The following RC3H2 variants were observed in gnomAD, a reference collection of about 807,000 sequenced individuals.
RC3H2 encodes the protein roquin-2.
A neutral mutation model predicts 133.3 loss-of-function variants in RC3H2; 31 were observed. The observed-to-expected ratio is 0.23, with a 90% CI of 0.17 to 0.31. The LOEUF (loss-of-function observed/expected upper bound fraction) is 0.31. RC3H2 is among the 10% of genes least tolerant of loss of function. RC3H2 has a pLI of 1.00. For missense variants in RC3H2, 1,175 were observed against 1,437.2 expected (o/e 0.82, Z 2.95); for synonymous variants, 517 against 502.2 (o/e 1.03, Z -0.40).
chr9:122,862,641 T>C (rs912441540), intron 10 of RC3H2, among the ~76,000 whole-genome samples: 1 of 152,196 alleles, frequency 6.6e-6, no homozygotes, highest in Non-Finnish European at 1.5e-5. Context: ...ACACCTGTAA[T>C]CCCAGCCTTT....
At chr9:122,878,867 G>A (rs1343884563) in intron 8 of RC3H2, among the ~76,000 whole-genome samples, 1 of 151,122 alleles carries the variant, frequency 6.6e-6, no homozygotes, top group Non-Finnish European at 1.5e-5. Flanking sequence ...TCCTGACTCA[G>A]CCGTCTCAGT....
In RC3H2 at chr9:122,854,949, T is replaced by C. The variant is rs112002260; in HGVS notation, c.2815+235A>G. Among the ~76,000 whole-genome samples the C allele has an allele frequency of 7.6e-3, 1,162 of 152,032 alleles. 14 individuals are homozygous for C. The highest frequency in any genetic ancestry group is 0.026 in the African/African-American group (1,097 of 41,448). On this transcript the variant is annotated intron_variant, in intron 15 of 20. Coordinates refer to ENST00000357244, the MANE Select transcript of RC3H2 (RefSeq NM_001100588.3). ...CGAAACTAAAATACAAAATACTCTC[T>C]ACTAAAAATACAAAAATTAGCCAGG...
chr9:122,854,720 T>C, intron 15 of RC3H2, 105 bp from the exon 16 acceptor site: 1 of 758,048 alleles, frequency 1.3e-6, no homozygotes. Flanking sequence ...CCACTAGCCA[T>C]ATGATGCTGG....
intron 18 of RC3H2, among the ~76,000 whole-genome samples, chr9:122,851,799 C>T (rs1391678851): frequency 6.6e-6 from 1 of 152,250 alleles, no homozygotes; most frequent in Non-Finnish European, 1.5e-5. Flanking sequence ...TCACTCAGTG[C>T]TCAATGGCGC....
chr9:122,849,855 T>A, intron 20 of RC3H2, 33 bp from the exon 21 acceptor site: 1 of 1,447,988 alleles, frequency 6.9e-7, no homozygotes, highest in Non-Finnish European at 9.3e-7. Context: ...AAAAACAAAT[T>A]AGCTTTAAGT....
At position 122,883,216 on chromosome 9, in the gene RC3H2, A is replaced by G. The variant is rs1831729488; in HGVS notation, c.747T>C (p.Ala249=). Reference sequence around the variant, plus strand: ...ACTTACTGCTTACCTTAAAACAAGAAGCTCGATACAGTAGTTGCACAACAT... The same window carrying G: ...ACTTACTGCTTACCTTAAAACAAGAGGCTCGATACAGTAGTTGCACAACAT... ...IGHVVQLLYR[A]SCFKVTKRDE... The change falls in exon 5 of 21, where the codon GCT becomes GCC. Residue 249 remains alanine, a synonymous_variant. Transcript: ENST00000357244. 1.2e-6 allele frequency: 2 copies of G among 1,611,648 alleles called. No individual in the cohort carries two copies. Among genetic ancestry groups the G allele is most frequent in the Middle Eastern group, 3.3e-4 (2 of 6,054 alleles).
chr9:122,862,204 A>G (rs1355333271), intron 10 of RC3H2, among the ~76,000 whole-genome samples: 1 of 152,200 alleles, frequency 6.6e-6, no homozygotes, highest in Non-Finnish European at 1.5e-5. Context: ...GAACTTATAG[A>G]AAAAGCTAAT....
chr9:122,897,402 A>G lies in RC3H2; in HGVS notation c.108T>C (p.Thr36=), dbSNP rs767998842. 2 of 1,614,260 alleles carry G rather than the reference A, an allele frequency of 1.2e-6. No individual in the cohort carries two copies. The highest frequency in any genetic ancestry group is 2.2e-5 in the East Asian group (1 of 44,890). The part of the protein sequence containing the change: ...HKPISLGCSH[T]VCKTCLNKLH... ...GTTTATTCAAGCAGGTCTTGCAAACAGTGTGTGAACAACCTAAACTGATGG... is the reference window on the plus strand; with the variant it reads ...GTTTATTCAAGCAGGTCTTGCAAACGGTGTGTGAACAACCTAAACTGATGG... Residue 36 remains threonine, a synonymous_variant, in exon 2 of 21, where the codon ACT becomes ACC. Transcript: ENST00000357244.
Position 122,849,616 on chromosome 9 carries a change from T to C in RC3H2, c.*11A>G, listed in dbSNP as rs772007714. On this transcript the variant is annotated 3_prime_UTR_variant, in exon 21 of 21. Coordinates refer to ENST00000357244, the MANE Select transcript of RC3H2 (RefSeq NM_001100588.3). ...ATGGTGTGGTCACAAATTTGAAAGA[T>C]GAACCTCCTTTCAGCTGTTAACCAT... The C allele has an allele frequency of 1.8e-5, 28 of 1,599,272 alleles. No homozygotes were observed. In the Admixed American group the frequency reaches 4.2e-4, roughly 24 times the overall value.
At position 122,883,267 on chromosome 9, in the gene RC3H2, A is replaced by G; in HGVS notation, c.696T>C (p.Pro232=). 1 of 1,613,740 alleles carries G rather than the reference A, an allele frequency of 6.2e-7. No individual in the cohort carries two copies. The highest frequency in any genetic ancestry group is 8.5e-7 in the Non-Finnish European group (1 of 1,179,874). ...GACCAATACTTGTTTTTGATGCCTG[A>G]GGAAATCTTGGTTCTAGTCTCTGCA... is the stretch of plus-strand genomic sequence containing the variant. ...FVVQRLEPRF[P]QASKTSIGHV... Residue 232 remains proline, a synonymous_variant, in exon 5 of 21, where the codon CCT becomes CCC. Transcript: ENST00000357244.
At chr9:122,883,174 C>G (rs767697829) in intron 5 of RC3H2, 30 bp downstream of exon 5, 8 of 1,587,842 alleles carry the variant, frequency 5.0e-6, no homozygotes, top group Non-Finnish European at 6.9e-6. Flanking sequence ...CACAAACAGG[C>G]ATGTCTTTAC....
At chr9:122,885,204 G>C (rs1218659830) in intron 4 of RC3H2, among the ~76,000 whole-genome samples, 1 of 152,064 alleles carries the variant, frequency 6.6e-6, no homozygotes, top group African/African-American at 2.4e-5. Flanking sequence ...GTATTAAAAG[G>C]AAAGGAGCAT....
At chr9:122,902,210 C>T (rs1234091400) in intron 1 of RC3H2, among the ~76,000 whole-genome samples, 3 of 152,134 alleles carry the variant, frequency 2.0e-5, no homozygotes, top group Non-Finnish European at 4.4e-5. Flanking sequence ...GGATTACAGG[C>T]GTGAGCCACC....
chr9:122,883,353 C>T lies in RC3H2; in HGVS notation c.610G>A (p.Val204Met). 2 of 1,609,602 alleles carry T rather than the reference C, an allele frequency of 1.2e-6. No homozygotes were observed. The change falls in exon 5 of 21, where the codon GTG becomes ATG. Residue 204 changes from valine to methionine, a missense_variant. Physicochemically the swap from Val to Met is conservative, Grantham distance 21 (BLOSUM62 1). Coordinates refer to ENST00000357244, the MANE Select transcript of RC3H2 (RefSeq NM_001100588.3). ...PAMQEEALKL[V>M]LLALEDGSAL... ...GAACCATCTTCTAATGCCAGTAACA[C>T]CAGCTTCAAGGCCTCTTCTTGCATA...
At chr9:122,888,845 G>A (rs994290487) in intron 4 of RC3H2, among the ~76,000 whole-genome samples, 2 of 152,150 alleles carry the variant, frequency 1.3e-5, no homozygotes, top group Admixed American at 6.5e-5. Context: ...CTAGAAGTGG[G>A]ATTGCTAGAC....
chr9:122,850,676 ATCC>A (rs1829988321), intron 20 of RC3H2, among the ~76,000 whole-genome samples: 3 of 151,878 alleles, frequency 2.0e-5, no homozygotes, highest in Admixed American at 2.0e-4. Flanking sequence ...ACTCCTTGTG[ATCC>A]ACCCGCCTCA....
In RC3H2 at chr9:122,849,758, T is replaced by C; in HGVS notation, c.3445A>G (p.Ser1149Gly). 6.2e-7 allele frequency: 1 copy of C among 1,607,726 alleles called. No homozygotes were observed. The highest frequency in any genetic ancestry group is 1.1e-5 in the South Asian group (1 of 90,084). ...CFSQPLPVSISNASCLPITTS... is the reference protein window; with the variant it reads ...CFSQPLPVSIGNASCLPITTS... ...GTGATGGGGAGGCAACTTGCATTGC[T>C]AATAGACACTGGGAGTGGCTGGCTA... The change falls in exon 21 of 21, where the codon AGC becomes GGC. Residue 1149 changes from serine to glycine, a missense_variant. By Grantham distance (56) the Ser-to-Gly change is moderately conservative (BLOSUM62 0). Transcript: ENST00000357244.
rs1357397068 is a variant in RC3H2, at chr9:122,892,893, CATTT to C, written c.349+12_349+15del. ...CAAGTCCTACTTATCAGTAAAAATGCATTTTATGAACTTACCTTTACCTCCACTT... is the reference window on the plus strand; with the variant it reads ...CAAGTCCTACTTATCAGTAAAAATGCTATGAACTTACCTTTACCTCCACTT... On this transcript the variant is annotated intron_variant, in intron 3 of 20. Transcript: ENST00000357244. 6.3e-7 allele frequency: 1 copy of C among 1,596,958 alleles called. No individual in the cohort carries two copies.
chr9:122,895,326 CCTGA>C (rs895911593), intron 2 of RC3H2, among the ~76,000 whole-genome samples: 1 of 152,016 alleles, frequency 6.6e-6, no homozygotes, highest in Non-Finnish European at 1.5e-5. Context: ...CACCACCATG[CCTGA>C]CTAATTTTTT....
Sources: gnomAD v4.1 joint callset for allele counts (sites outside exome capture counted in the v4.1 genomes callset) on GRCh38, gnomAD v4.1.1 for gene constraint, MANE v1.5 for transcripts, NCBI Gene and HGNC (gene_info 2026-07-23, HGNC 2026-07-21) for gene names.